Variants in SMR3A observed in about 807,000 individuals in gnomAD.
SMR3A encodes the protein submaxillary gland androgen-regulated protein 3A.
For synonymous variants in SMR3A, 48 were observed against 57.4 expected (o/e 0.84, Z 0.74); for missense variants, 188 against 163.0 (o/e 1.15, Z -0.84).
In SMR3A at chr4:70,362,159, C is replaced by A; in HGVS notation, c.44C>A (p.Ala15Glu). 1 of 1,611,730 alleles carries A rather than the reference C, an allele frequency of 6.2e-7. No individual in the cohort carries two copies. Among genetic ancestry groups the A allele is most frequent in the Admixed American group, 1.7e-5 (1 of 59,888 alleles). Residue 15 changes from alanine (A) to glutamate (E), a missense_variant, in exon 2 of 3, where the codon GCG (alanine) becomes GAG (glutamate). Physicochemically the swap from Ala to Glu is moderately radical, Grantham distance 107. Coordinates refer to ENST00000226460, the MANE Select transcript of SMR3A (RefSeq NM_012390.4). ...ATCTTGGGCCTTTGGGCTCTTGCAGCGTGTTTCACAGTAAGTATCATTAAT... is the reference window on the plus strand; with the variant it reads ...ATCTTGGGCCTTTGGGCTCTTGCAGAGTGTTTCACAGTAAGTATCATTAAT... ...TWILGLWALA[A>E]CFTPGESQRG...
At chr4:70,366,037 T>C (rs373665474) in intron 2 of SMR3A, among the ~76,000 whole-genome samples, 18 of 152,052 alleles carry the variant, frequency 1.2e-4, no homozygotes, top group African/African-American at 4.1e-4. Flanking sequence ...TTTTCTTTGA[T>C]ACAGAAGTTC....
intron 2 of SMR3A, 105 bp downstream of exon 2, chr4:70,362,274 A>G: frequency 1.3e-6 from 2 of 1,558,400 alleles, no homozygotes; most frequent in Non-Finnish European, 8.7e-7. Context: ...TATATTAGTA[A>G]CTATTAACCG....
At chr4:70,362,002 A>G in intron 1 of SMR3A, 100 bp from the exon 2 acceptor site, 1 of 1,555,260 alleles carries the variant, frequency 6.4e-7, no homozygotes, top group Non-Finnish European at 8.7e-7. Flanking sequence ...AGGCTACAGT[A>G]GTATATCTGT....
chr4:70,360,781 A>C lies in SMR3A; in HGVS notation c.-76A>C, dbSNP rs1372860520. 2.6e-5 allele frequency: 4 copies of C among 151,882 alleles called. No individual in the cohort carries two copies. 9.4% of individuals were successfully genotyped at this position (151,882 alleles called of 1,614,324 possible). A position where few individuals can be genotyped will look rare whatever the true frequency, so the allele number is the denominator to read the frequency against. ...TTTTCACCTTTATTTTCTGTCTTTC[A>C]ACTGGCAAGAGTCATTTTGACCAGC... is the stretch of plus-strand genomic sequence containing the variant. On this transcript the variant is annotated 5_prime_UTR_variant, in exon 1 of 3. Transcript: ENST00000226460.
chr4:70,361,199 A>G (rs1244883920), intron 1 of SMR3A, among the ~76,000 whole-genome samples: 1 of 151,924 alleles, frequency 6.6e-6, no homozygotes, highest in Non-Finnish European at 1.5e-5. Flanking sequence ...AACTTCTTAT[A>G]AGAACGGATC....
At position 70,362,307 on chromosome 4, in the gene SMR3A, G is replaced by T. The variant is rs17148798; in HGVS notation, c.54+138G>T. 3 of 1,458,508 alleles carry T rather than the reference G, an allele frequency of 2.1e-6. No individual in the cohort carries two copies. In the African/African-American group the frequency reaches 4.4e-5, roughly 21 times the overall value. The allele number at this position is 1,458,508 out of a possible 1,614,324, so 90.3% of individuals were successfully genotyped here. A position where few individuals can be genotyped will look rare whatever the true frequency, so the allele number is the denominator to read the frequency against. ...CCGTTGATGAAACACTGTTCTAGTGGTTAAATTTAAATTTAAAATCTAATT... is the reference window on the plus strand; with the variant it reads ...CCGTTGATGAAACACTGTTCTAGTGTTTAAATTTAAATTTAAAATCTAATT... On this transcript the variant is annotated intron_variant, in intron 2 of 2. Transcript: ENST00000226460.
rs1350414192 is a variant in SMR3A at position 70,363,082 on chromosome 4, C to T, written c.54+913C>T. ...CATAATTTTTGATAAGCCAATAAAACATATTGACATCCGTTAAATGTCATG... is the reference window on the plus strand; with the variant it reads ...CATAATTTTTGATAAGCCAATAAAATATATTGACATCCGTTAAATGTCATG... On this transcript the variant is annotated intron_variant, in intron 2 of 2. Transcript: ENST00000226460. 3.9e-5 allele frequency among the ~76,000 whole-genome samples: 6 copies of T among 152,028 alleles called. No homozygotes were observed. In the South Asian group the frequency reaches 8.3e-4, roughly 21 times the overall value.
chr4:70,366,783 C>T lies in SMR3A; in HGVS notation c.194C>T (p.Pro65Leu), dbSNP rs1297062347. The change falls in exon 3 of 3, where the codon CCA becomes CTA. Residue 65 changes from proline to leucine, a missense_variant. Pro to Leu is a moderately conservative substitution (Grantham distance 98). Transcript: ENST00000226460. ...PPPYGPGRFP[P>L]PLSPPYGPGR... Reference sequence around the variant, plus strand: ...CCCTATGGTCCAGGGAGATTTCCACCACCCCTTTCTCCACCCTATGGTCCA... The same window carrying T: ...CCCTATGGTCCAGGGAGATTTCCACTACCCCTTTCTCCACCCTATGGTCCA... 1.9e-5 allele frequency: 30 copies of T among 1,613,394 alleles called. No homozygotes were observed. Among genetic ancestry groups the T allele is most frequent in the Non-Finnish European group, 2.5e-5 (29 of 1,179,744 alleles).
At chr4:70,365,692 G>A (rs888459266) in intron 2 of SMR3A, among the ~76,000 whole-genome samples, 1 of 151,988 alleles carries the variant, frequency 6.6e-6, no homozygotes, top group African/African-American at 2.4e-5. Context: ...TGGATTCATA[G>A]AAGACATGTT....
chr4:70,364,304 C>T (rs1488102146), intron 2 of SMR3A, among the ~76,000 whole-genome samples: 1 of 151,722 alleles, frequency 6.6e-6, no homozygotes. Context: ...ATCAAGAGGT[C>T]AAATCAACGG....
rs751646049 is a variant in SMR3A at position 70,366,795 on chromosome 4, C to A, written c.206C>A (p.Pro69Gln). 129 of 1,613,376 alleles carry A rather than the reference C, an allele frequency of 8.0e-5. No individual in the cohort carries two copies. Among genetic ancestry groups the A allele is most frequent in the Non-Finnish European group, 1.1e-4 (124 of 1,179,758 alleles). Residue 69 changes from proline to glutamine, a missense_variant, in exon 3 of 3, where the codon CCA (proline) becomes CAA (glutamine). Transcript: ENST00000226460. The part of the protein sequence containing the change: ...GPGRFPPPLS[P>Q]PYGPGRIPPS... Reference sequence around the variant, plus strand: ...GGGAGATTTCCACCACCCCTTTCTCCACCCTATGGTCCAGGGAGAATCCCA... The same window carrying A: ...GGGAGATTTCCACCACCCCTTTCTCAACCCTATGGTCCAGGGAGAATCCCA...
At chr4:70,361,682 T>C (rs1158170164) in intron 1 of SMR3A, among the ~76,000 whole-genome samples, 1 of 151,886 alleles carries the variant, frequency 6.6e-6, no homozygotes, top group Admixed American at 6.6e-5. Flanking sequence ...CTAGTTAATA[T>C]GTTAATATTT....
At chr4:70,363,587 G>T (rs1472803102) in intron 2 of SMR3A, among the ~76,000 whole-genome samples, 1 of 151,848 alleles carries the variant, frequency 6.6e-6, no homozygotes, top group African/African-American at 2.4e-5. Flanking sequence ...ATTAATTATA[G>T]CCCTTTGAGA....
At chr4:70,364,101 G>C (rs942869762) in intron 2 of SMR3A, among the ~76,000 whole-genome samples, 2 of 152,018 alleles carry the variant, frequency 1.3e-5, no homozygotes, top group Non-Finnish European at 2.9e-5. Context: ...TGAGAAGTGG[G>C]GTTGGCAAAT....
In SMR3A at chr4:70,366,660, G is replaced by T; in HGVS notation, c.71G>T (p.Arg24Ile). The stretch of plus-strand genomic sequence containing the variant: ...TTTCCACAGCCTGGTGAGAGTCAAA[G>T]AGGCCCCAGGGGACCATATCCACCT... ...AACFTPGESQ[R>I]GPRGPYPPGP... The change falls in exon 3 of 3, where the codon AGA becomes ATA. Residue 24 changes from arginine (R) to isoleucine (I), a missense_variant. Physicochemically the swap from Arg to Ile is moderately conservative, Grantham distance 97 (BLOSUM62 -3). Coordinates refer to ENST00000226460, the MANE Select transcript of SMR3A (RefSeq NM_012390.4). 1 of 1,606,766 alleles carries T rather than the reference G, an allele frequency of 6.2e-7. No individual in the cohort carries two copies. The highest frequency in any genetic ancestry group is 8.5e-7 in the Non-Finnish European group (1 of 1,176,098).
At chr4:70,364,303 T>A (rs1198835264) in intron 2 of SMR3A, among the ~76,000 whole-genome samples, 6 of 151,816 alleles carry the variant, frequency 4.0e-5, no homozygotes, top group Admixed American at 6.6e-5. Context: ...AATCAAGAGG[T>A]CAAATCAACG....
chr4:70,366,683 C>T lies in SMR3A; in HGVS notation c.94C>T (p.Pro32Ser), dbSNP rs763867031. The change falls in exon 3 of 3, where the codon CCT (proline) becomes TCT (serine). Residue 32 changes from proline (P) to serine (S), a missense_variant. Physicochemically the swap from Pro to Ser is moderately conservative, Grantham distance 74. Transcript: ENST00000226460. ...SQRGPRGPYPPGPLAPPPPPC... is the reference protein window; with the variant it reads ...SQRGPRGPYPSGPLAPPPPPC... The stretch of plus-strand genomic sequence containing the variant: ...AAGAGGCCCCAGGGGACCATATCCA[C>T]CTGGACCACTGGCTCCTCCTCCTCC... The T allele has an allele frequency of 6.2e-7, 1 of 1,612,910 alleles. No individual in the cohort carries two copies.
chr4:70,361,563 C>G (rs2109750388), intron 1 of SMR3A, among the ~76,000 whole-genome samples: 1 of 151,924 alleles, frequency 6.6e-6, no homozygotes, highest in African/African-American at 2.4e-5. Context: ...GTTGTTAAAA[C>G]TAGGAGATAT....
chr4:70,364,284 C>T (rs1732213265), intron 2 of SMR3A, among the ~76,000 whole-genome samples: 1 of 151,706 alleles, frequency 6.6e-6, no homozygotes, highest in African/African-American at 2.4e-5. Flanking sequence ...GTGAAAGCGG[C>T]AAGATTAGAA....
Sources: gnomAD v4.1 joint callset for allele counts (sites outside exome capture counted in the v4.1 genomes callset) on GRCh38, gnomAD v4.1.1 for gene constraint, MANE v1.5 for transcripts, NCBI Gene and HGNC (gene_info 2026-07-23, HGNC 2026-07-21) for gene names.